Variants in SIRPA observed in about 807,000 individuals in gnomAD.
SIRPA encodes signal regulatory protein alpha, also known as tyrosine-protein phosphatase non-receptor type substrate 1.
SIRPA carries 9 observed loss-of-function variants against 50.3 expected under a neutral mutation model. That is an observed-to-expected ratio of 0.18 (90% CI 0.11 to 0.31). The LOEUF is 0.31. Ranked by LOEUF, SIRPA falls within the 10% of genes least tolerant of loss-of-function variation. SIRPA has a pLI of 1.00. For synonymous variants in SIRPA, 265 were observed against 284.1 expected (o/e 0.93, Z 0.68); for missense variants, 474 against 661.6 (o/e 0.72, Z 3.11).
rs1983933007 is a variant in SIRPA, at chr20:1,898,056, AC to A, written c.79+2536del. Among the ~76,000 whole-genome samples the A allele has an allele frequency of 6.6e-6, 1 of 151,986 alleles. No homozygotes were observed. The highest frequency in any genetic ancestry group is 2.1e-4 in the South Asian group (1 of 4,822). On this transcript the variant is annotated intron_variant, in intron 1 of 7. Coordinates refer to ENST00000358771, the MANE Select transcript of SIRPA (RefSeq NM_001040023.2). The surrounding 1 kb of genome is among the most constrained non-coding windows in gnomAD (Gnocchi z 4.3). ...AGGTAGGCCTTGAGACCTCTGAGTC[AC>A]CCCCCAGGCCGACCTCAGATAAACT...
At chr20:1,908,525 C>T (rs1182290418) in intron 1 of SIRPA, among the ~76,000 whole-genome samples, 2 of 152,170 alleles carry the variant, frequency 1.3e-5, no homozygotes, top group Non-Finnish European at 2.9e-5. Flanking sequence ...CCCATTCAGA[C>T]ACAGTCCTGT....
In SIRPA at chr20:1,915,010, C is replaced by A. The variant is rs952954789; in HGVS notation, c.80-89C>A. 6 of 1,060,122 alleles carry A rather than the reference C, an allele frequency of 5.7e-6. No individual in the cohort carries two copies. The African/African-American group carries it at 9.3e-5, about 17-fold the overall frequency. 65.7% of individuals were successfully genotyped at this position (1,060,122 alleles called of 1,614,324 possible). A position where few individuals can be genotyped will look rare whatever the true frequency, so the allele number is the denominator to read the frequency against. On this transcript the variant is annotated intron_variant, in intron 1 of 7. Transcript: ENST00000358771. ...CTCACAGCCTGCTTCTGGTGTGCAT[C>A]CAGTCAATGAACGTCATTGATAAAC...
intron 1 of SIRPA, among the ~76,000 whole-genome samples, chr20:1,907,209 C>T (rs889139968): frequency 6.6e-6 from 1 of 152,170 alleles, no homozygotes; most frequent in Non-Finnish European, 1.5e-5. Flanking sequence ...GGACCCTGAG[C>T]CCCTGGGCCA....
At chr20:1,935,405 C>T (rs1008484834) in intron 7 of SIRPA, among the ~76,000 whole-genome samples, 6 of 152,332 alleles carry the variant, frequency 3.9e-5, no homozygotes, top group African/African-American at 9.6e-5. Context: ...GCTCTGAACC[C>T]GGAACGAGAG....
At chr20:1,905,828 C>G (rs949400030) in intron 1 of SIRPA, among the ~76,000 whole-genome samples, 1 of 152,244 alleles carries the variant, frequency 6.6e-6, no homozygotes, top group African/African-American at 2.4e-5. Context: ...TTCATCACCT[C>G]CAGGTTTCAT....
intron 7 of SIRPA, among the ~76,000 whole-genome samples, chr20:1,935,406 G>A (rs576903705): frequency 3.3e-5 from 5 of 152,336 alleles, no homozygotes; most frequent in South Asian, 2.1e-4. Flanking sequence ...CTCTGAACCC[G>A]GAACGAGAGC....
Position 1,921,685 on chromosome 20 carries a change from A to G in SIRPA, c.727A>G (p.Thr243Ala), listed in dbSNP as rs1985667237. Residue 243 changes from threonine (T) to alanine (A), a missense_variant, in exon 3 of 8, where the codon ACT becomes GCT. Transcript: ENST00000358771. ...CTTGCAGGGGGACCCTCTTCGTGGG[A>G]CTGCCAACTTGTCTGAGACCATCCG... ...VTLQGDPLRGTANLSETIRVP... is the reference protein window; with the variant it reads ...VTLQGDPLRGAANLSETIRVP... 4 of 1,614,144 alleles carry G rather than the reference A, an allele frequency of 2.5e-6. No individual in the cohort carries two copies. The East Asian group carries it at 6.7e-5, about 27-fold the overall frequency.
intron 4 of SIRPA, among the ~76,000 whole-genome samples, chr20:1,923,749 A>G (rs772104620): frequency 2.6e-5 from 4 of 152,128 alleles, no homozygotes; most frequent in Non-Finnish European, 5.9e-5. Flanking sequence ...CACGCCAGCT[A>G]TGTTGCATAC....
At position 1,937,734 on chromosome 20, in the gene SIRPA, C is replaced by T; in HGVS notation, c.*166C>T. ...TCTCTCCCCACCCCTCCTTGGCTCTCCAGCACTTCCTGGGCAGCCACGGCC... is the reference window on the plus strand; with the variant it reads ...TCTCTCCCCACCCCTCCTTGGCTCTTCAGCACTTCCTGGGCAGCCACGGCC... On this transcript the variant is annotated 3_prime_UTR_variant, in exon 8 of 8. Coordinates refer to ENST00000358771, the MANE Select transcript of SIRPA (RefSeq NM_001040023.2). The surrounding 1 kb of genome is among the most constrained non-coding windows in gnomAD (Gnocchi z 8.3). 1 of 827,902 alleles carries T rather than the reference C, an allele frequency of 1.2e-6. No individual in the cohort carries two copies. Among genetic ancestry groups the T allele is most frequent in the Non-Finnish European group, 1.8e-6 (1 of 545,430 alleles). The allele number at this position is 827,902 out of a possible 1,614,324, so 51.3% of individuals were successfully genotyped here. A position where few individuals can be genotyped will look rare whatever the true frequency, so the allele number is the denominator to read the frequency against.
At position 1,938,801 on chromosome 20, in the gene SIRPA, T is replaced by C. The variant is rs1421695547; in HGVS notation, c.*1233T>C. The stretch of plus-strand genomic sequence containing the variant: ...CCCAATGCCTCAGTCTGCTCATCCG[T>C]AAAGTGGGGATAGTGAAGATGACAC... On this transcript the variant is annotated 3_prime_UTR_variant, in exon 8 of 8. Coordinates refer to ENST00000358771, the MANE Select transcript of SIRPA (RefSeq NM_001040023.2). 4 of 152,550 alleles carry C rather than the reference T, an allele frequency of 2.6e-5. No individual in the cohort carries two copies. Among genetic ancestry groups the C allele is most frequent in the African/African-American group, 9.7e-5 (4 of 41,446 alleles). The allele number at this position is 152,550 out of a possible 1,614,324, so 9.4% of individuals were successfully genotyped here. A position where few individuals can be genotyped will look rare whatever the true frequency, so the allele number is the denominator to read the frequency against.
At chr20:1,905,445 G>A (rs1384089730) in intron 1 of SIRPA, among the ~76,000 whole-genome samples, 1 of 152,194 alleles carries the variant, frequency 6.6e-6, no homozygotes, top group Non-Finnish European at 1.5e-5. Flanking sequence ...GCCACTCTGG[G>A]CCAGGATGTC....
chr20:1,910,326 G>A (rs965216253), intron 1 of SIRPA, among the ~76,000 whole-genome samples: 3 of 139,704 alleles, frequency 2.1e-5, no homozygotes, highest in African/African-American at 5.2e-5. Flanking sequence ...AAACGTGTTC[G>A]TGTGTTTTGT....
chr20:1,900,608 TG>T lies in SIRPA; in HGVS notation c.79+5084del, dbSNP rs1421266504. 2.0e-5 allele frequency among the ~76,000 whole-genome samples: 3 copies of T among 152,290 alleles called. No individual in the cohort carries two copies. The East Asian group carries it at 5.8e-4, about 29-fold the overall frequency. ...CTCTGTGCTTTCATCCAGTGCCTTATGGTGCGGCCAGAAGAACAGAGAGAAA... is the reference window on the plus strand; with the variant it reads ...CTCTGTGCTTTCATCCAGTGCCTTATGTGCGGCCAGAAGAACAGAGAGAAA... On this transcript the variant is annotated intron_variant, in intron 1 of 7. Transcript: ENST00000358771.
At chr20:1,926,668 A>G (rs772880290) in intron 5 of SIRPA, among the ~76,000 whole-genome samples, 5 of 152,222 alleles carry the variant, frequency 3.3e-5, no homozygotes, top group Admixed American at 6.5e-5. Context: ...CTCATGGGTG[A>G]CATTACTAAC....
rs746117038 is a variant in SIRPA at position 1,898,177 on chromosome 20, G to A, written c.79+2651G>A. On this transcript the variant is annotated intron_variant, in intron 1 of 7. Transcript: ENST00000358771. The surrounding 1 kb of genome is among the most constrained non-coding windows in gnomAD (Gnocchi z 4.3). ...GGGGCCCCCCAGTGAACCTCTCACC[G>A]TTTGGTAGAGGGTGGCACTCTGGGG... 9.2e-5 allele frequency among the ~76,000 whole-genome samples: 14 copies of A among 152,268 alleles called. No homozygotes were observed. The highest frequency in any genetic ancestry group is 2.1e-4 in the South Asian group (1 of 4,838).
rs1986494733 is a variant in SIRPA, at chr20:1,934,986, G to A, written c.1266+232G>A. The stretch of plus-strand genomic sequence containing the variant: ...GCGACCCATTGCACAACTCCCCAGG[G>A]GCACCATTCACAATCCGTCCTATGA... On this transcript the variant is annotated intron_variant, in intron 7 of 7. Coordinates refer to ENST00000358771, the MANE Select transcript of SIRPA (RefSeq NM_001040023.2). The surrounding 1 kb of genome is among the most constrained non-coding windows in gnomAD (Gnocchi z 4.6). Among the ~76,000 whole-genome samples the A allele has an allele frequency of 6.6e-6, 1 of 152,112 alleles. No homozygotes were observed. Among genetic ancestry groups the A allele is most frequent in the African/African-American group, 2.4e-5 (1 of 41,414 alleles).
chr20:1,921,669 G>A lies in SIRPA; in HGVS notation c.711G>A (p.Gly237=), dbSNP rs1314670513. Residue 237 remains glycine, a synonymous_variant, in exon 3 of 8, where the codon GGG becomes GGA. Transcript: ENST00000358771. ...AGGTGGCCCACGTCACCTTGCAGGG[G>A]GACCCTCTTCGTGGGACTGCCAACT... ...ICEVAHVTLQ[G]DPLRGTANLS... The A allele has an allele frequency of 6.2e-7, 1 of 1,614,114 alleles. No individual in the cohort carries two copies. Among genetic ancestry groups the A allele is most frequent in the South Asian group, 1.1e-5 (1 of 91,078 alleles).
rs935715399 is a variant in SIRPA, at chr20:1,936,988, A to G, written c.1267-332A>G. 6.6e-6 allele frequency among the ~76,000 whole-genome samples: 1 copy of G among 152,126 alleles called. No individual in the cohort carries two copies. Among genetic ancestry groups the G allele is most frequent in the Non-Finnish European group, 1.5e-5 (1 of 68,034 alleles). ...GAAGCAGGACAGACACCCTCGAGGG[A>G]TGAACATGAGAAATGGGTGAAGACT... On this transcript the variant is annotated intron_variant, in intron 7 of 7. Transcript: ENST00000358771. The surrounding 1 kb of genome is among the most constrained non-coding windows in gnomAD (Gnocchi z 4.2).
In SIRPA at chr20:1,932,672, A is replaced by C. The variant is rs1224586770; in HGVS notation, c.1227-2043A>C. On this transcript the variant is annotated intron_variant, in intron 6 of 7. Coordinates refer to ENST00000358771, the MANE Select transcript of SIRPA (RefSeq NM_001040023.2). The surrounding 1 kb of genome is among the most constrained non-coding windows in gnomAD (Gnocchi z 6.0). ...GGAGAATGGAGGGCAGGGAAGCAGG[A>C]ATAGAGGTGGGGAGATCAAGGAGGA... Among the ~76,000 whole-genome samples the C allele has an allele frequency of 6.6e-6, 1 of 152,140 alleles. No individual in the cohort carries two copies. Among genetic ancestry groups the C allele is most frequent in the Non-Finnish European group, 1.5e-5 (1 of 68,026 alleles).
Sources: allele counts gnomAD v4.1 joint callset (sites outside exome capture counted in the v4.1 genomes callset), GRCh38; gene constraint gnomAD v4.1.1; non-coding constraint Gnocchi (gnomAD v3.1); transcripts MANE v1.5; gene names NCBI Gene and HGNC (gene_info 2026-07-23, HGNC 2026-07-21).